CHSY3: variants seen among roughly 807,000 people sequenced by gnomAD.
CHSY3 encodes N-acetylgalactosaminyl-proteoglycan 3-beta-glucuronosyltransferase 3.
CHSY3 carries 35 observed loss-of-function variants against 67.2 expected under a neutral mutation model. The observed-to-expected ratio is 0.52, with a 90% CI of 0.40 to 0.69. The LOEUF (loss-of-function observed/expected upper bound fraction) is 0.69. CHSY3 is among the 30% of genes least tolerant of loss of function. CHSY3 has a pLI of 0.00. For synonymous variants in CHSY3, 474 were observed against 434.7 expected (o/e 1.09, Z -1.12); for missense variants, 1,069 against 1,138.5 (o/e 0.94, Z 0.88).
intron 2 of CHSY3, among the ~76,000 whole-genome samples, chr5:130,178,451 A>G (rs1376787655): frequency 6.6e-6 from 1 of 150,962 alleles, no homozygotes; most frequent in South Asian, 2.1e-4. Flanking sequence ...AGGGGGTTTC[A>G]CCGTGTTAGC....
At chr5:130,038,636 C>A (rs1189515168) in intron 2 of CHSY3, among the ~76,000 whole-genome samples, 1 of 152,094 alleles carries the variant, frequency 6.6e-6, no homozygotes, top group Non-Finnish European at 1.5e-5. Flanking sequence ...CCACTTTCCT[C>A]TCCATAGTGT....
chr5:130,134,980 G>C (rs78306998), intron 2 of CHSY3, among the ~76,000 whole-genome samples: 6,878 of 151,656 alleles, frequency 0.045, 427 homozygotes, highest in East Asian at 0.27. Context: ...CTTATCTTTC[G>C]AGACATATTA....
At chr5:129,943,756 A>G (rs1761765114) in intron 2 of CHSY3, among the ~76,000 whole-genome samples, 1 of 152,242 alleles carries the variant, frequency 6.6e-6, no homozygotes. Flanking sequence ...ATTAAGTTTT[A>G]TCATCCACAT....
chr5:130,083,464 C>T (rs546316669), intron 2 of CHSY3, among the ~76,000 whole-genome samples: 2 of 152,094 alleles, frequency 1.3e-5, no homozygotes, highest in African/African-American at 2.4e-5. Context: ...AGACTCATTT[C>T]CACTACCATA....
chr5:130,172,670 G>A (rs73248928), intron 2 of CHSY3, among the ~76,000 whole-genome samples: 6,835 of 152,148 alleles, frequency 0.045, 521 homozygotes, highest in African/African-American at 0.15. Context: ...AGTAGTATCA[G>A]CTATATTAAT....
chr5:129,985,898 T>C (rs947703592), intron 2 of CHSY3, among the ~76,000 whole-genome samples: 1 of 152,192 alleles, frequency 6.6e-6, no homozygotes, highest in Non-Finnish European at 1.5e-5. Context: ...GCTGAAGTTG[T>C]TTATCATATC....
chr5:130,004,216 A>G (rs1763810482), intron 2 of CHSY3, among the ~76,000 whole-genome samples: 1 of 152,196 alleles, frequency 6.6e-6, no homozygotes, highest in Non-Finnish European at 1.5e-5. Context: ...TATCTTCCAT[A>G]TAGTGGCCAT....
intron 2 of CHSY3, among the ~76,000 whole-genome samples, chr5:130,036,341 G>C (rs1483392334): frequency 6.6e-6 from 1 of 152,026 alleles, no homozygotes; most frequent in African/African-American, 2.4e-5. Context: ...TATTTTCCTA[G>C]TATATCTCTT....
chr5:130,129,139 C>A (rs1428234563), intron 2 of CHSY3, among the ~76,000 whole-genome samples: 1 of 152,024 alleles, frequency 6.6e-6, no homozygotes, highest in African/African-American at 2.4e-5. Context: ...GGATGGTGTA[C>A]AAGTCTTTGT....
intron 2 of CHSY3, among the ~76,000 whole-genome samples, chr5:130,142,119 C>T (rs1768887317): frequency 2.0e-5 from 3 of 152,134 alleles, no homozygotes; most frequent in African/African-American, 7.2e-5. Context: ...CATAACTTTG[C>T]ACTTTATAAG....
At chr5:130,025,473 C>T (rs996655952) in intron 2 of CHSY3, among the ~76,000 whole-genome samples, 1 of 152,044 alleles carries the variant, frequency 6.6e-6, no homozygotes, top group Non-Finnish European at 1.5e-5. Context: ...AATAGATGTG[C>T]CCTATAACAA....
At chr5:130,020,487 C>T in intron 2 of CHSY3, among the ~76,000 whole-genome samples, 1 of 117,898 alleles carries the variant, frequency 8.5e-6, no homozygotes, top group African/African-American at 3.3e-5. Context: ...TTTCCTCTGG[C>T]TCCTCCACAT....
At chr5:130,056,918 C>CTTTTTTTTTTTTTTTTTTTTTT (rs58326964) in intron 2 of CHSY3, among the ~76,000 whole-genome samples, 1 of 56,128 alleles carries the variant, frequency 1.8e-5, no homozygotes, top group Non-Finnish European at 3.3e-5. Context: ...GCATTTCTTT[C>CTTTTTTTTTTTTTTTTTTTTTT]TTTTTTTTTT....
intron 2 of CHSY3, among the ~76,000 whole-genome samples, chr5:129,985,290 C>G (rs889824892): frequency 4.6e-5 from 7 of 152,150 alleles, no homozygotes; most frequent in African/African-American, 1.4e-4. Context: ...AGTCCTTTCC[C>G]CATTGCTTGT....
chr5:129,949,524 C>G (rs901301224), intron 2 of CHSY3, among the ~76,000 whole-genome samples: 1 of 152,054 alleles, frequency 6.6e-6, no homozygotes, highest in African/African-American at 2.4e-5. Context: ...GTGCATTCTA[C>G]CAAACATTTA....
intron 2 of CHSY3, among the ~76,000 whole-genome samples, chr5:130,042,172 G>T (rs2149665912): frequency 6.6e-6 from 1 of 152,238 alleles, no homozygotes; most frequent in African/African-American, 2.4e-5. Flanking sequence ...GGAGTTCAAG[G>T]CTGCAGTGAG....
At chr5:130,128,513 G>A (rs1195954691) in intron 2 of CHSY3, among the ~76,000 whole-genome samples, 1 of 152,068 alleles carries the variant, frequency 6.6e-6, no homozygotes, top group East Asian at 1.9e-4. Flanking sequence ...CAGAGGCTGA[G>A]GGGAGAGGGA....
chr5:130,025,683 C>A (rs1045733408), intron 2 of CHSY3, among the ~76,000 whole-genome samples: 2 of 152,014 alleles, frequency 1.3e-5, no homozygotes, highest in East Asian at 1.9e-4. Flanking sequence ...AGACAGCTGT[C>A]TTTGGGCTGT....
At chr5:130,094,455 G>A (rs1278240900) in intron 2 of CHSY3, among the ~76,000 whole-genome samples, 4 of 152,044 alleles carry the variant, frequency 2.6e-5, no homozygotes, top group Admixed American at 2.0e-4. Flanking sequence ...GTTAAAATGC[G>A]CTATTTAATT....
Sources: gnomAD v4.1 joint callset for allele counts (sites outside exome capture counted in the v4.1 genomes callset) on GRCh38, gnomAD v4.1.1 for gene constraint, MANE v1.5 for transcripts, NCBI Gene and HGNC (gene_info 2026-07-23, HGNC 2026-07-21) for gene names.